Variants in TPD52 observed in about 807,000 individuals in gnomAD.
The protein encoded by TPD52 is tumor protein D52, also known as prostate and colon associated protein.
Under a neutral mutation model 31.3 loss-of-function variants are expected in TPD52, and 17 were observed. The ratio of observed to expected loss-of-function variants is 0.54; its 90% CI spans 0.37 to 0.82. The LOEUF (loss-of-function observed/expected upper bound fraction) is 0.82. Among genes scored for constraint, TPD52 ranks in the 40% least tolerant of loss-of-function variants. The probability of loss-of-function intolerance (pLI) is 0.00; values close to 1 mark genes in which losing one functional copy is unlikely to be tolerated. For missense variants in TPD52, 212 were observed against 240.1 expected (o/e 0.88, Z 0.77); for synonymous variants, 83 against 89.6 (o/e 0.93, Z 0.42).
intron 2 of TPD52, among the ~76,000 whole-genome samples, chr8:80,059,608 C>T (rs1388346273): frequency 2.0e-5 from 3 of 152,078 alleles, no homozygotes; most frequent in East Asian, 1.9e-4. Context: ...AATCCCAGCA[C>T]TTTGGGAGGC....
chr8:80,037,693 G>C lies in TPD52; in HGVS notation c.*423C>G, dbSNP rs1810006538. ...AATTACCAGGATTCAGAATATTTAA[G>C]AGAACAATTTTAGTTAAGAATCAAA... On this transcript the variant is annotated 3_prime_UTR_variant, in exon 8 of 8. Coordinates refer to ENST00000518937, the MANE Select transcript of TPD52 (RefSeq NM_001025253.3). 1 of 153,200 alleles carries C rather than the reference G, an allele frequency of 6.5e-6. No homozygotes were observed. The highest frequency in any genetic ancestry group is 2.1e-4 in the South Asian group (1 of 4,866). 9.5% of individuals were successfully genotyped at this position (153,200 alleles called of 1,614,324 possible). A position where few individuals can be genotyped will look rare whatever the true frequency, so the allele number is the denominator to read the frequency against.
At chr8:80,158,276 C>T (rs1162693823) in intron 1 of TPD52, among the ~76,000 whole-genome samples, 1 of 151,702 alleles carries the variant, frequency 6.6e-6, no homozygotes, top group Non-Finnish European at 1.5e-5. Context: ...TCCTCTTCAA[C>T]CCCAACCCAA....
intron 1 of TPD52, among the ~76,000 whole-genome samples, chr8:80,154,926 T>C (rs905209420): frequency 6.6e-6 from 1 of 152,086 alleles, no homozygotes; most frequent in Non-Finnish European, 1.5e-5. Flanking sequence ...CCTTTGAGGC[T>C]ACTATTATAA....
chr8:80,072,017 T>C (rs1253084516), intron 1 of TPD52, among the ~76,000 whole-genome samples: 1 of 152,090 alleles, frequency 6.6e-6, no homozygotes, highest in East Asian at 1.9e-4. Context: ...TTTTTGTTTT[T>C]TAAGAAATGT....
At chr8:80,101,202 C>T (rs557664708) in intron 1 of TPD52, among the ~76,000 whole-genome samples, 53 of 152,326 alleles carry the variant, frequency 3.5e-4, no homozygotes, top group Admixed American at 9.8e-4. Flanking sequence ...AATCCCAGCA[C>T]TTTGGGAGGC....
chr8:80,136,152 T>A (rs1313137681), intron 1 of TPD52, among the ~76,000 whole-genome samples: 31 of 135,726 alleles, frequency 2.3e-4, no homozygotes, highest in Admixed American at 8.9e-4. Flanking sequence ...ATTAATTAAT[T>A]AAAAAAAAAA....
intron 6 of TPD52, among the ~76,000 whole-genome samples, chr8:80,043,789 T>C (rs1438629998): frequency 6.6e-6 from 1 of 152,072 alleles, no homozygotes; most frequent in African/African-American, 2.4e-5. Flanking sequence ...AATGTCACAG[T>C]GGGATGGGGG....
chr8:80,049,299 CAGT>C (rs1811148220), intron 5 of TPD52, among the ~76,000 whole-genome samples: 1 of 152,196 alleles, frequency 6.6e-6, no homozygotes, highest in African/African-American at 2.4e-5. Context: ...AACCTGTCCA[CAGT>C]AGACACTCTA....
downstream of TPD52, among the ~76,000 whole-genome samples, chr8:80,032,152 CAAAAAAAAAAA>C (rs150988844): frequency 7.1e-5 from 4 of 56,540 alleles, no homozygotes; most frequent in Non-Finnish European, 9.9e-5. Flanking sequence ...GACTCCAGCT[CAAAAAAAAAAA>C]AAAAAAAAAA....
chr8:80,154,726 C>T (rs1278485835), intron 1 of TPD52, among the ~76,000 whole-genome samples: 1 of 145,996 alleles, frequency 6.8e-6, no homozygotes, highest in African/African-American at 2.6e-5. Context: ...CACACACACA[C>T]ACACACACAC....
intron 1 of TPD52, among the ~76,000 whole-genome samples, chr8:80,074,621 C>G (rs1428701223): frequency 6.6e-6 from 1 of 152,226 alleles, no homozygotes; most frequent in Non-Finnish European, 1.5e-5. Context: ...CACCCACACC[C>G]AGTTGTAACA....
chr8:80,171,152 C>T (rs1482033201), intron 1 of TPD52: 5 of 691,884 alleles, frequency 7.2e-6, no homozygotes, highest in Non-Finnish European at 1.3e-5. Context: ...TGACGCTAGC[C>T]CCTTCGCCAC....
At chr8:80,145,468 C>T (rs563519406) in intron 1 of TPD52, among the ~76,000 whole-genome samples, 2 of 152,332 alleles carry the variant, frequency 1.3e-5, no homozygotes, top group African/African-American at 4.8e-5. Flanking sequence ...AATGCAAGAA[C>T]ACCTTCCCCT....
chr8:80,114,217 C>T (rs1293371680), intron 1 of TPD52, among the ~76,000 whole-genome samples: 9 of 152,040 alleles, frequency 5.9e-5, no homozygotes, highest in South Asian at 2.1e-4. Flanking sequence ...CCAGCCTGGG[C>T]GACAGAGTGA....
At chr8:80,061,094 G>A (rs780140696) in intron 2 of TPD52, among the ~76,000 whole-genome samples, 11 of 152,138 alleles carry the variant, frequency 7.2e-5, no homozygotes, top group Non-Finnish European at 1.6e-4. Flanking sequence ...GGCCAGGTGC[G>A]GTGGCTCATG....
At chr8:80,148,317 AGTGT>A (rs34231994) in intron 1 of TPD52, among the ~76,000 whole-genome samples, 30 of 143,984 alleles carry the variant, frequency 2.1e-4, no homozygotes, top group African/African-American at 5.3e-4. Flanking sequence ...TTCCTGGCTA[AGTGT>A]GTGTGTGTGT....
At chr8:80,132,158 T>C (rs906770381) in intron 1 of TPD52, among the ~76,000 whole-genome samples, 3 of 151,816 alleles carry the variant, frequency 2.0e-5, no homozygotes, top group African/African-American at 7.3e-5. Context: ...GCTTCTCAAA[T>C]AGCTGGGACT....
intron 7 of TPD52, among the ~76,000 whole-genome samples, chr8:80,040,027 T>C (rs1404765174): frequency 3.9e-5 from 6 of 152,104 alleles, no homozygotes; most frequent in African/African-American, 4.8e-5. Flanking sequence ...GACTGGCACA[T>C]GGCAAATGCT....
intron 3 of TPD52, 191 bp from the exon 4 acceptor site, chr8:80,051,819 T>G: frequency 1.9e-6 from 1 of 524,046 alleles, no homozygotes; most frequent in Non-Finnish European, 3.3e-6. Flanking sequence ...AACCCTAAGC[T>G]CAGGCACAAT....
Sources: gnomAD v4.1 joint callset for allele counts (sites outside exome capture counted in the v4.1 genomes callset) on GRCh38, gnomAD v4.1.1 for gene constraint, MANE v1.5 for transcripts, NCBI Gene and HGNC (gene_info 2026-07-23, HGNC 2026-07-21) for gene names.